GSK3B: variants seen among roughly 807,000 people sequenced by gnomAD.
GSK3B encodes glycogen synthase kinase 3 beta, also known as glycogen synthase kinase-3 beta.
Under a neutral mutation model 56.4 loss-of-function variants are expected in GSK3B, and 15 were observed. The observed-to-expected ratio is 0.27, with a 90% CI of 0.18 to 0.41. GSK3B has a LOEUF of 0.41. Among genes scored for constraint, GSK3B ranks in the 10% least tolerant of loss-of-function variants. The pLI, the probability that GSK3B is intolerant of heterozygous loss-of-function variation, is 1.00. For missense variants in GSK3B, 300 were observed against 513.4 expected, an observed-to-expected ratio of 0.58 and a Z score of 4.02; for synonymous variants, 181 against 188.9, an observed-to-expected ratio of 0.96 and a Z score of 0.34.
chr3:120,075,425 AG>A (rs1396460585), intron 1 of GSK3B, among the ~76,000 whole-genome samples: 1 of 152,166 alleles, frequency 6.6e-6, no homozygotes, highest in Non-Finnish European at 1.5e-5. Flanking sequence ...GGAAAAAAAA[AG>A]TTAACCAAAT....
At chr3:119,959,554 G>T (rs372927719) in intron 2 of GSK3B, among the ~76,000 whole-genome samples, 1 of 123,360 alleles carries the variant, frequency 8.1e-6, no homozygotes, top group East Asian at 2.6e-4. Flanking sequence ...TCACTCTGTC[G>T]CCCAGGCTGG....
chr3:119,837,212 T>C (rs1417386609), intron 10 of GSK3B, among the ~76,000 whole-genome samples: 3 of 152,212 alleles, frequency 2.0e-5, no homozygotes, highest in African/African-American at 2.4e-5. Flanking sequence ...TGGAGTGCAG[T>C]GGCGTGATCT....
chr3:120,069,642 G>A (rs1420414704), intron 1 of GSK3B, among the ~76,000 whole-genome samples: 9 of 141,512 alleles, frequency 6.4e-5, no homozygotes, highest in Admixed American at 4.9e-4. Flanking sequence ...AGTGCATACA[G>A]ACTAGCCTGA....
At chr3:119,979,722 T>C (rs2057442410) in intron 2 of GSK3B, among the ~76,000 whole-genome samples, 1 of 152,244 alleles carries the variant, frequency 6.6e-6, no homozygotes, top group Admixed American at 6.5e-5. Flanking sequence ...CTTGCAACTC[T>C]TGGTGCATAT....
At chr3:119,963,264 T>C (rs570892413) in intron 2 of GSK3B, among the ~76,000 whole-genome samples, 3 of 152,300 alleles carry the variant, frequency 2.0e-5, no homozygotes, top group Admixed American at 6.5e-5. Flanking sequence ...ATGTCCATAT[T>C]ATCCAAAGCC....
chr3:120,080,851 T>C (rs2058413149), intron 1 of GSK3B, among the ~76,000 whole-genome samples: 4 of 151,686 alleles, frequency 2.6e-5, no homozygotes, highest in South Asian at 4.2e-4. Flanking sequence ...GAAAAAAAAT[T>C]ACAGTTTCAC....
At chr3:119,975,446 C>CA (rs1005767100) in intron 2 of GSK3B, among the ~76,000 whole-genome samples, 3 of 148,526 alleles carry the variant, frequency 2.0e-5, no homozygotes, top group African/African-American at 2.5e-5. Flanking sequence ...AGCTCCAACT[C>CA]AAAAAAAAAG....
At chr3:119,996,984 A>G (rs895831692) in intron 2 of GSK3B, among the ~76,000 whole-genome samples, 2 of 152,186 alleles carry the variant, frequency 1.3e-5, no homozygotes, top group African/African-American at 2.4e-5. Context: ...ATGTTTATAT[A>G]TTACATTTAG....
chr3:120,059,418 C>T (rs2058219004), intron 1 of GSK3B, among the ~76,000 whole-genome samples: 1 of 152,202 alleles, frequency 6.6e-6, no homozygotes. Context: ...CACACTGTCT[C>T]TAATAATGAA....
intron 8 of GSK3B, among the ~76,000 whole-genome samples, chr3:119,868,358 A>G (rs1421912075): frequency 1.3e-5 from 2 of 152,238 alleles, no homozygotes; most frequent in Admixed American, 1.3e-4. Flanking sequence ...AACAAATGCA[A>G]AGAAGTCCTT....
In GSK3B at chr3:119,843,285, A is replaced by C; in HGVS notation, c.1165T>G (p.Ser389Ala). The C allele has an allele frequency of 6.2e-7, 1 of 1,609,726 alleles. No individual in the cohort carries two copies. Residue 389 changes from serine to alanine, a missense_variant, in exon 10 of 11, where the codon TCA (serine) becomes GCA (alanine). Coordinates refer to ENST00000264235, the MANE Select transcript of GSK3B (RefSeq NM_001146156.2). ...GCTGCTGTGGCATTTGTGGGGGTTG[A>C]AGCAGCTGCTTGAATCCGAGCATGA... ...PPHARIQAAASTPTNATAASD... is the reference protein window; with the variant it reads ...PPHARIQAAAATPTNATAASD...
chr3:119,960,665 C>A (rs578014212), intron 2 of GSK3B, among the ~76,000 whole-genome samples: 1 of 152,266 alleles, frequency 6.6e-6, no homozygotes, highest in Non-Finnish European at 1.5e-5. Flanking sequence ...TCAGGTATTT[C>A]CTCAAATGCT....
intron 1 of GSK3B, among the ~76,000 whole-genome samples, chr3:120,063,781 C>G (rs1178274787): frequency 6.7e-6 from 1 of 148,986 alleles, no homozygotes; most frequent in Non-Finnish European, 1.5e-5. Context: ...GTGGGCAGAT[C>G]ACTTGATCCC....
At chr3:120,047,512 C>G (rs1028760618) in intron 1 of GSK3B, among the ~76,000 whole-genome samples, 1 of 152,142 alleles carries the variant, frequency 6.6e-6, no homozygotes, top group African/African-American at 2.4e-5. Context: ...TATCAAAAGC[C>G]TCATCCTAGA....
chr3:119,862,767 A>G (rs1271103710), intron 9 of GSK3B, among the ~76,000 whole-genome samples: 4 of 150,302 alleles, frequency 2.7e-5, no homozygotes. Context: ...TGAATGAATC[A>G]CTTAGGTCTT....
chr3:119,994,108 C>T (rs1395174410), intron 2 of GSK3B, among the ~76,000 whole-genome samples: 2 of 152,186 alleles, frequency 1.3e-5, no homozygotes, highest in Middle Eastern at 3.4e-3. Flanking sequence ...GTGATCCGCC[C>T]GCCTCGGCCG....
At chr3:119,844,671 T>C (rs529942655) in intron 9 of GSK3B, among the ~76,000 whole-genome samples, 24 of 151,578 alleles carry the variant, frequency 1.6e-4, no homozygotes, top group East Asian at 7.8e-4. Flanking sequence ...CAGTAATTAA[T>C]AGCCTACCAA....
chr3:119,935,284 T>G (rs1051870431), intron 3 of GSK3B, among the ~76,000 whole-genome samples: 4 of 152,124 alleles, frequency 2.6e-5, no homozygotes, highest in African/African-American at 9.7e-5. Context: ...TTTATTTCAC[T>G]GAATAAAATT....
At chr3:119,878,663 TGCATA>T (rs1476553694) in intron 7 of GSK3B, among the ~76,000 whole-genome samples, 3 of 152,194 alleles carry the variant, frequency 2.0e-5, no homozygotes, top group Admixed American at 2.0e-4. Flanking sequence ...TATACAAATA[TGCATA>T]GCATATTTTT....
Sources: allele counts gnomAD v4.1 joint callset (sites outside exome capture counted in the v4.1 genomes callset), GRCh38; gene constraint gnomAD v4.1.1; transcripts MANE v1.5; gene names NCBI Gene and HGNC (gene_info 2026-07-23, HGNC 2026-07-21).